The following COL13A1 variants were observed in gnomAD, a reference collection of about 807,000 sequenced individuals.
The protein encoded by COL13A1 is collagen type XIII alpha 1 chain.
In COL13A1, 89 loss-of-function variants were observed where a neutral mutation model predicts 130.9. The ratio of observed to expected loss-of-function variants is 0.68; its 90% CI spans 0.57 to 0.81. The LOEUF is 0.81. Ranked by LOEUF, COL13A1 falls within the 30% of genes least tolerant of loss-of-function variation. The probability of loss-of-function intolerance (pLI) is 0.00; values close to 1 mark genes in which losing one functional copy is unlikely to be tolerated. For missense variants in COL13A1, 879 were observed against 934.6 expected (o/e 0.94, Z 0.78); for synonymous variants, 402 against 341.6 (o/e 1.18, Z -1.95).
rs910892861 is a variant in COL13A1, at chr10:69,851,196, G to A, written c.365-16602G>A. ...TGTAGATTCGAGAAAACAGGGTGTT[G>A]GGCTCAATGAATACATCTGTTCAGC... On this transcript the variant is annotated intron_variant, in intron 2 of 40. Transcript: ENST00000645393. 2.6e-5 allele frequency among the ~76,000 whole-genome samples: 4 copies of A among 152,324 alleles called. No homozygotes were observed. The South Asian group carries it at 8.3e-4, about 32-fold the overall frequency.
chr10:69,940,828 G>C (rs17500311), intron 34 of COL13A1, among the ~76,000 whole-genome samples, 160 bp from the exon 35 acceptor site: 4,326 of 152,196 alleles, frequency 0.028, 76 homozygotes, highest in Non-Finnish European at 0.035. Flanking sequence ...ATACCATTCC[G>C]TGTCCTCCCA....
At chr10:69,826,439 A>G (rs1847505691) in intron 2 of COL13A1, among the ~76,000 whole-genome samples, 1 of 152,212 alleles carries the variant, frequency 6.6e-6, no homozygotes, top group South Asian at 2.1e-4. Flanking sequence ...TGATGTGGTC[A>G]GGCTTGTGCA....
intron 9 of COL13A1, among the ~76,000 whole-genome samples, chr10:69,888,602 G>T (rs1220778737): frequency 1.3e-5 from 2 of 152,114 alleles, no homozygotes; most frequent in Non-Finnish European, 2.9e-5. Flanking sequence ...TGGGGTGGGG[G>T]TGAGATCAGG....
chr10:69,840,963 G>A (rs1851437868), intron 2 of COL13A1, among the ~76,000 whole-genome samples: 1 of 152,020 alleles, frequency 6.6e-6, no homozygotes, highest in African/African-American at 2.4e-5. Flanking sequence ...CTGTCACTCA[G>A]GAGGACACTC....
chr10:69,934,109 T>C (rs2066514990), intron 31 of COL13A1, among the ~76,000 whole-genome samples: 2 of 152,194 alleles, frequency 1.3e-5, no homozygotes, highest in African/African-American at 4.8e-5. Flanking sequence ...GCACATCTGA[T>C]ACATCAAGAA....
chr10:69,827,639 C>T (rs1020671581), intron 2 of COL13A1, among the ~76,000 whole-genome samples: 2 of 152,180 alleles, frequency 1.3e-5, no homozygotes, highest in African/African-American at 4.8e-5. Context: ...TGCGATCCTA[C>T]GAATAGGGCT....
chr10:69,918,331 T>G lies in COL13A1; in HGVS notation c.999+14T>G, dbSNP rs370129566. On this transcript the variant is annotated intron_variant, in intron 19 of 40. Coordinates refer to ENST00000645393, the MANE Select transcript of COL13A1 (RefSeq NM_001368882.1). ...GCTGGGATGAAGGTCAGTGGACTGT[T>G]GTAACCAACACATCAGGGACAGGGT... 5.1e-5 allele frequency: 82 copies of G among 1,612,708 alleles called. No individual in the cohort carries two copies. Among genetic ancestry groups the G allele is most frequent in the Non-Finnish European group, 6.6e-5 (78 of 1,179,294 alleles).
At chr10:69,934,608 G>A (rs2066588637) in intron 31 of COL13A1, among the ~76,000 whole-genome samples, 1 of 152,230 alleles carries the variant, frequency 6.6e-6, no homozygotes, top group Non-Finnish European at 1.5e-5. Flanking sequence ...GGCTGCCTGT[G>A]GATGAAAGGA....
At chr10:69,935,670 C>T (rs1180115210) in intron 32 of COL13A1, among the ~76,000 whole-genome samples, 1 of 152,306 alleles carries the variant, frequency 6.6e-6, no homozygotes, top group East Asian at 1.9e-4. Context: ...TTTACCTCAC[C>T]CTTTGCCATC....
At chr10:69,818,950 C>T (rs1388682501) in intron 1 of COL13A1, among the ~76,000 whole-genome samples, 2 of 152,190 alleles carry the variant, frequency 1.3e-5, no homozygotes, top group African/African-American at 4.8e-5. Flanking sequence ...AATTAACCCT[C>T]ACAGCTCCCA....
At chr10:69,898,548 T>A in intron 13 of COL13A1, 149 bp from the exon 14 acceptor site, 1 of 610,138 alleles carries the variant, frequency 1.6e-6, no homozygotes, top group Non-Finnish European at 2.9e-6. Flanking sequence ...TCCCTCCCAC[T>A]CCTCATGTGC....
Position 69,844,255 on chromosome 10 carries a change from G to A in COL13A1, c.364+21817G>A, listed in dbSNP as rs117022086. ...GGCCAGCTCAGTGTGGCTGTCCAGG[G>A]AGGATGGGCCATAGGCACAGTGCTC... On this transcript the variant is annotated intron_variant, in intron 2 of 40. Transcript: ENST00000645393. Among the ~76,000 whole-genome samples the A allele has an allele frequency of 8.1e-3, 1,235 of 152,308 alleles. 10 individuals carry two copies. The highest frequency in any genetic ancestry group is 0.013 in the Non-Finnish European group (861 of 68,020).
intron 36 of COL13A1, 94 bp from the exon 37 acceptor site, chr10:69,945,577 A>G: frequency 1.3e-6 from 2 of 1,525,866 alleles, no homozygotes; most frequent in South Asian, 2.4e-5. Context: ...AGGGGACTGG[A>G]GAGGTTTCCT....
intron 14 of COL13A1, among the ~76,000 whole-genome samples, chr10:69,901,186 G>T (rs1217596184): frequency 2.0e-5 from 3 of 152,162 alleles, no homozygotes; most frequent in African/African-American, 4.8e-5. Context: ...CATGCAGCCG[G>T]GTGGGGGACC....
At chr10:69,940,958 T>C in intron 34 of COL13A1, 30 bp from the exon 35 acceptor site, 4 of 1,613,860 alleles carry the variant, frequency 2.5e-6, no homozygotes, top group Non-Finnish European at 3.4e-6. Flanking sequence ...CTCTTCCCCT[T>C]CTTTTGGTCA....
chr10:69,921,975 A>C, intron 22 of COL13A1, 40 bp downstream of exon 22: 4 of 1,572,748 alleles, frequency 2.5e-6, no homozygotes, highest in Non-Finnish European at 1.7e-6. Context: ...GTCCTTCGTC[A>C]CCCACATCCC....
chr10:69,945,625 G>C, intron 36 of COL13A1, 46 bp from the exon 37 acceptor site: 1 of 1,596,672 alleles, frequency 6.3e-7, no homozygotes, highest in Non-Finnish European at 8.5e-7. Context: ...AAGGAAGATT[G>C]TTACCGTGTC....
chr10:69,866,627 G>C (rs2058545363), intron 2 of COL13A1, among the ~76,000 whole-genome samples: 1 of 149,138 alleles, frequency 6.7e-6, no homozygotes, highest in South Asian at 2.1e-4. Flanking sequence ...CCCGGGCCTG[G>C]GGCTTGCTCA....
At position 69,869,042 on chromosome 10, in the gene COL13A1, T is replaced by G. The variant is rs373007716; in HGVS notation, c.372+1237T>G. On this transcript the variant is annotated intron_variant, in intron 3 of 40. Coordinates refer to ENST00000645393, the MANE Select transcript of COL13A1 (RefSeq NM_001368882.1). ...ACACACCTCACCCCCAGGGGCAGGA[T>G]GCTGCAGCCTCCTGCACACACCTCA... 5.9e-5 allele frequency among the ~76,000 whole-genome samples: 9 copies of G among 151,532 alleles called. 1 individual carries two copies. The East Asian group carries it at 1.5e-3, about 26-fold the overall frequency.
Sources: gnomAD v4.1 joint callset for allele counts (sites outside exome capture counted in the v4.1 genomes callset) on GRCh38, gnomAD v4.1.1 for gene constraint, MANE v1.5 for transcripts, NCBI Gene and HGNC (gene_info 2026-07-23, HGNC 2026-07-21) for gene names.